The following POU2F1 variants were observed in gnomAD, a reference collection of about 807,000 sequenced individuals.
POU2F1 encodes the protein POU domain, class 2, transcription factor 1.
Under a neutral mutation model 84.9 loss-of-function variants are expected in POU2F1, and 16 were observed. That is an observed-to-expected ratio of 0.19 (90% CI 0.13 to 0.29). The LOEUF (loss-of-function observed/expected upper bound fraction) is 0.29, where lower values mean the gene tolerates loss of function less well. POU2F1 is among the 10% of genes least tolerant of loss of function. POU2F1 has a pLI of 1.00. For missense variants in POU2F1, 738 were observed against 942.6 expected, an observed-to-expected ratio of 0.78 and a Z score of 2.84; for synonymous variants, 368 against 368.3, an observed-to-expected ratio of 1.00 and a Z score of 0.01.
At position 167,374,118 on chromosome 1, in the gene POU2F1, C is replaced by T. The variant is rs375705900; in HGVS notation, c.413C>T (p.Thr138Met). Residue 138 changes from threonine (T) to methionine (M), a missense_variant, in exon 6 of 16, where the codon ACG becomes ATG. Thr to Met is a moderately conservative substitution (Grantham distance 81). Coordinates refer to ENST00000367866, the MANE Select transcript of POU2F1 (RefSeq NM_002697.4). ...AGGQITGLTL[T>M]PAQQQLLLQQ... ...TCTGGTTTTGTTTAGCTTACTTTGA[C>T]GCCTGCCCAGCAACAGTTACTACTC... The T allele has an allele frequency of 7.2e-5, 116 of 1,613,980 alleles. 2 individuals are homozygous for T. In the Admixed American group the frequency reaches 1.6e-3, roughly 23 times the overall value.
chr1:167,328,592 G>A (rs141517948), intron 1 of POU2F1, among the ~76,000 whole-genome samples: 5 of 152,214 alleles, frequency 3.3e-5, no homozygotes, highest in Admixed American at 6.5e-5. Context: ...TAATTTGTAC[G>A]TGTCATTTCA....
At chr1:167,371,182 T>G (rs1659980306) in intron 4 of POU2F1, among the ~76,000 whole-genome samples, 1 of 152,170 alleles carries the variant, frequency 6.6e-6, no homozygotes, top group African/African-American at 2.4e-5. Flanking sequence ...CTTTCATCCC[T>G]TAGAGAGATG....
At chr1:167,405,707 G>A (rs975046023) in intron 13 of POU2F1, among the ~76,000 whole-genome samples, 3 of 152,044 alleles carry the variant, frequency 2.0e-5, no homozygotes, top group East Asian at 1.9e-4. Flanking sequence ...AAAAAAAGCC[G>A]TGAAGGATAT....
chr1:167,407,606 T>C (rs1490610993), intron 13 of POU2F1, among the ~76,000 whole-genome samples: 2 of 152,224 alleles, frequency 1.3e-5, no homozygotes, highest in East Asian at 1.9e-4. Flanking sequence ...AAATTTATGC[T>C]TTATTGATTT....
chr1:167,267,390 T>C (rs193072759), intron 1 of POU2F1, among the ~76,000 whole-genome samples: 30 of 136,822 alleles, frequency 2.2e-4, no homozygotes, highest in Non-Finnish European at 3.9e-4. Flanking sequence ...TGTTTTACAA[T>C]CAGGAAAAAA....
Position 167,416,214 on chromosome 1 carries a change from G to A in POU2F1, c.*404G>A. On this transcript the variant is annotated 3_prime_UTR_variant, in exon 16 of 16. Coordinates refer to ENST00000367866, the MANE Select transcript of POU2F1 (RefSeq NM_002697.4). ...GGTTACCAATTCCAATATAGGAAGG[G>A]GATTTCTTGTTTGTCTAAATTTCTT... 2 of 297,858 alleles carry A rather than the reference G, an allele frequency of 6.7e-6. No homozygotes were observed. The highest frequency in any genetic ancestry group is 1.3e-5 in the Non-Finnish European group (2 of 155,946). 18.5% of individuals were successfully genotyped at this position (297,858 alleles called of 1,614,324 possible). A position where few individuals can be genotyped will look rare whatever the true frequency, so the allele number is the denominator to read the frequency against.
At chr1:167,336,844 C>T (rs1038680458) in intron 2 of POU2F1, among the ~76,000 whole-genome samples, 8 of 151,938 alleles carry the variant, frequency 5.3e-5, no homozygotes, top group Non-Finnish European at 7.4e-5. Context: ...GCATGGGCAA[C>T]ATGGTGAAAC....
At position 167,258,519 on chromosome 1, in the gene POU2F1, C is replaced by G. The variant is rs139284796; in HGVS notation, c.61+37561C>G. Reference sequence around the variant, plus strand: ...TCCAGCACATACCTAATGGCCAGGTCTATTTGTCTATCAGTCAGTGAGATT... The same window carrying G: ...TCCAGCACATACCTAATGGCCAGGTGTATTTGTCTATCAGTCAGTGAGATT... On this transcript the variant is annotated intron_variant, in intron 1 of 15. Coordinates refer to ENST00000367866, the MANE Select transcript of POU2F1 (RefSeq NM_002697.4). 3.1e-3 allele frequency among the ~76,000 whole-genome samples: 471 copies of G among 152,298 alleles called. 1 individual carries two copies. Among genetic ancestry groups the G allele is most frequent in the Non-Finnish European group, 5.7e-3 (391 of 68,030 alleles).
intron 1 of POU2F1, among the ~76,000 whole-genome samples, chr1:167,237,493 T>G (rs1035423359): frequency 1.3e-5 from 2 of 152,118 alleles, no homozygotes; most frequent in African/African-American, 4.8e-5. Flanking sequence ...CATCTGCCGG[T>G]ATGTTATTTT....
intron 2 of POU2F1, among the ~76,000 whole-genome samples, chr1:167,355,236 C>A (rs1374161804): frequency 2.0e-5 from 3 of 150,118 alleles, no homozygotes; most frequent in Non-Finnish European, 4.4e-5. Context: ...TAAATAGATA[C>A]CCAGCTACCC....
intron 1 of POU2F1, among the ~76,000 whole-genome samples, chr1:167,322,225 G>A (rs1174334136): frequency 6.6e-6 from 1 of 152,100 alleles, no homozygotes; most frequent in African/African-American, 2.4e-5. Context: ...AAATCCTCCT[G>A]TTCGTGTAGT....
intron 1 of POU2F1, among the ~76,000 whole-genome samples, chr1:167,305,368 G>T (rs1436738529): frequency 6.6e-6 from 1 of 151,682 alleles, no homozygotes; most frequent in East Asian, 1.9e-4. Context: ...TTGTTTTTTT[G>T]TTTGTTTGTT....
At chr1:167,405,732 C>T (rs893332674) in intron 13 of POU2F1, among the ~76,000 whole-genome samples, 4 of 152,118 alleles carry the variant, frequency 2.6e-5, no homozygotes, top group African/African-American at 9.7e-5. Context: ...CATTTGAGCA[C>T]TATCAACCAA....
chr1:167,406,650 C>G (rs1052250162), intron 13 of POU2F1, among the ~76,000 whole-genome samples: 1 of 151,988 alleles, frequency 6.6e-6, no homozygotes, highest in Non-Finnish European at 1.5e-5. Flanking sequence ...TAGGACTAAT[C>G]AATAAATTCA....
intron 6 of POU2F1, among the ~76,000 whole-genome samples, chr1:167,374,754 T>A (rs544357493): frequency 8.5e-5 from 13 of 152,336 alleles, no homozygotes; most frequent in African/African-American, 3.1e-4. Flanking sequence ...TAGGGCAAAG[T>A]ATCTAGAGAT....
intron 2 of POU2F1, among the ~76,000 whole-genome samples, chr1:167,339,821 A>T (rs997019748): frequency 1.3e-5 from 2 of 152,252 alleles, no homozygotes; most frequent in Non-Finnish European, 2.9e-5. Flanking sequence ...AATTTACTAT[A>T]AAGTAGTAAT....
At chr1:167,234,365 T>G (rs977800089) in intron 1 of POU2F1, among the ~76,000 whole-genome samples, 4 of 152,190 alleles carry the variant, frequency 2.6e-5, no homozygotes, top group African/African-American at 9.7e-5. Flanking sequence ...TATAAACGTT[T>G]TTGAAGTTGG....
At chr1:167,285,313 G>A (rs1653442947) in intron 1 of POU2F1, among the ~76,000 whole-genome samples, 1 of 152,192 alleles carries the variant, frequency 6.6e-6, no homozygotes, top group Non-Finnish European at 1.5e-5. Flanking sequence ...TGTATCTTAA[G>A]ACTATTTTTG....
At chr1:167,233,243 C>T (rs1274398286) in intron 1 of POU2F1, among the ~76,000 whole-genome samples, 1 of 151,420 alleles carries the variant, frequency 6.6e-6, no homozygotes, top group East Asian at 1.9e-4. Flanking sequence ...CTCAGATGAG[C>T]CTCCTACCTC....
Sources: allele counts gnomAD v4.1 joint callset (sites outside exome capture counted in the v4.1 genomes callset), GRCh38; gene constraint gnomAD v4.1.1; transcripts MANE v1.5; gene names NCBI Gene and HGNC (gene_info 2026-07-23, HGNC 2026-07-21).